The following SHISA6 variants were observed in gnomAD, a reference collection of about 807,000 sequenced individuals.
The protein encoded by SHISA6 is protein shisa-6.
In SHISA6, 22 loss-of-function variants were observed where a neutral mutation model predicts 47.9. The observed-to-expected ratio is 0.46, with a 90% CI of 0.33 to 0.66. SHISA6 has a LOEUF of 0.66. Ranked by LOEUF, SHISA6 falls within the 30% of genes least tolerant of loss-of-function variation. SHISA6 has a pLI of 0.02. For synonymous variants in SHISA6, 388 were observed against 337.8 expected (o/e 1.15, Z -1.63); for missense variants, 680 against 764.6 (o/e 0.89, Z 1.30).
chr17:11,325,041 C>T (rs1036465328), intron 2 of SHISA6, among the ~76,000 whole-genome samples: 11 of 152,112 alleles, frequency 7.2e-5, no homozygotes, highest in African/African-American at 1.7e-4. Flanking sequence ...ATTTCTTACC[C>T]GGTAAGGGTC....
At chr17:11,456,593 A>G (rs1915541536) in intron 3 of SHISA6, among the ~76,000 whole-genome samples, 1 of 152,186 alleles carries the variant, frequency 6.6e-6, no homozygotes, top group South Asian at 2.1e-4. Flanking sequence ...CTGCAGAGCC[A>G]TGTCCTCCAG....
intron 4 of SHISA6, among the ~76,000 whole-genome samples, chr17:11,554,425 T>G (rs1371973130): frequency 6.6e-6 from 1 of 151,966 alleles, no homozygotes; most frequent in Non-Finnish European, 1.5e-5. Flanking sequence ...AAGTCAGGAG[T>G]CCCCGGTGCT....
At chr17:11,273,514 G>C (rs972229822) in intron 2 of SHISA6, among the ~76,000 whole-genome samples, 3 of 152,260 alleles carry the variant, frequency 2.0e-5, no homozygotes, top group Non-Finnish European at 4.4e-5. Context: ...CAAAGGAGAG[G>C]AGCAACTTGG....
rs1025822279 is a variant in SHISA6, at chr17:11,241,568, G to A, written c.146G>A (p.Gly49Asp). 245 of 1,101,958 alleles carry A rather than the reference G, an allele frequency of 2.2e-4. No individual in the cohort carries two copies. In the African/African-American group the frequency reaches 3.9e-3, roughly 17 times the overall value. The allele number at this position is 1,101,958 out of a possible 1,614,324, so 68.3% of individuals were successfully genotyped here. A position where few individuals can be genotyped will look rare whatever the true frequency, so the allele number is the denominator to read the frequency against. Residue 49 changes from glycine to aspartate, a missense_variant, in exon 1 of 6, where the codon GGC (glycine) becomes GAC (aspartate). Gly to Asp is a moderately conservative substitution (Grantham distance 94). Coordinates refer to ENST00000441885, the MANE Select transcript of SHISA6 (RefSeq NM_207386.4). The surrounding 1 kb of genome is among the most constrained non-coding windows in gnomAD (Gnocchi z 5.5). ...GAAVGGRRAG[G>D]ALARGGRELN... The stretch of plus-strand genomic sequence containing the variant: ...GCCGTCGGGGGCCGGAGGGCCGGGG[G>A]CGCCCTGGCACGGGGCGGCCGCGAG...
chr17:11,510,130 C>T (rs1007903964), intron 3 of SHISA6, among the ~76,000 whole-genome samples: 3 of 151,730 alleles, frequency 2.0e-5, no homozygotes, highest in Admixed American at 2.0e-4. Flanking sequence ...TGGTCCCAGG[C>T]TGGAGAGTCC....
At chr17:11,487,902 G>A (rs907132277) in intron 3 of SHISA6, among the ~76,000 whole-genome samples, 1 of 152,182 alleles carries the variant, frequency 6.6e-6, no homozygotes, top group Non-Finnish European at 1.5e-5. Context: ...TCTCAGTGAA[G>A]ATTATTAGGA....
intron 2 of SHISA6, among the ~76,000 whole-genome samples, chr17:11,328,486 TG>T (rs1193404319): frequency 2.0e-5 from 3 of 152,210 alleles, no homozygotes; most frequent in Non-Finnish European, 4.4e-5. Context: ...GGAATGGGAA[TG>T]GTGCTTATCT....
chr17:11,539,705 A>AGC (rs2071817065), intron 3 of SHISA6, among the ~76,000 whole-genome samples: 1 of 152,208 alleles, frequency 6.6e-6, no homozygotes, highest in East Asian at 1.9e-4. Flanking sequence ...GCTTCCTGCA[A>AGC]ACAGCCTTGG....
chr17:11,492,766 G>C (rs1434605446), intron 3 of SHISA6, among the ~76,000 whole-genome samples: 1 of 152,160 alleles, frequency 6.6e-6, no homozygotes, highest in African/African-American at 2.4e-5. Flanking sequence ...CCTGAACTCA[G>C]ACCCTAGCAC....
chr17:11,262,521 C>T (rs950600140), intron 1 of SHISA6, among the ~76,000 whole-genome samples: 1 of 152,214 alleles, frequency 6.6e-6, no homozygotes, highest in Admixed American at 6.5e-5. Flanking sequence ...GAGAGCGATT[C>T]CCCCTAAATT....
chr17:11,470,417 A>G (rs1365895668), intron 3 of SHISA6, among the ~76,000 whole-genome samples: 3 of 152,218 alleles, frequency 2.0e-5, no homozygotes, highest in Non-Finnish European at 1.5e-5. Context: ...CAGTCCCCAG[A>G]GACAAATGCA....
rs935960797 is a variant in SHISA6 at position 11,528,060 on chromosome 17, T to C, written c.896-23836T>C. ...ACTTTACAATAAACTTTAAATGTTATAAAATCCTAGAGAGTTCCTTCCAAA... is the reference window on the plus strand; with the variant it reads ...ACTTTACAATAAACTTTAAATGTTACAAAATCCTAGAGAGTTCCTTCCAAA... On this transcript the variant is annotated intron_variant, in intron 3 of 5. Coordinates refer to ENST00000441885, the MANE Select transcript of SHISA6 (RefSeq NM_207386.4). Among the ~76,000 whole-genome samples the C allele has an allele frequency of 4.6e-5, 7 of 152,186 alleles. 1 individual carries two copies. The South Asian group carries it at 1.4e-3, about 31-fold the overall frequency.
In SHISA6 at chr17:11,558,533, G is replaced by A. The variant is rs2072006882; in HGVS notation, c.*229G>A. ...AAGAGCAATCGCTCTTGCTCCTCCA[G>A]AAGAATCAGTGGGGAGTGAGGAGGG... On this transcript the variant is annotated 3_prime_UTR_variant, in exon 6 of 6. Coordinates refer to ENST00000441885, the MANE Select transcript of SHISA6 (RefSeq NM_207386.4). 1.7e-6 allele frequency: 1 copy of A among 582,756 alleles called. No individual in the cohort carries two copies. Among genetic ancestry groups the A allele is most frequent in the Non-Finnish European group, 3.0e-6 (1 of 327,972 alleles). 36.1% of individuals were successfully genotyped at this position (582,756 alleles called of 1,614,324 possible).
chr17:11,380,954 G>A (rs888871650), intron 3 of SHISA6, among the ~76,000 whole-genome samples: 1 of 152,192 alleles, frequency 6.6e-6, no homozygotes, highest in Non-Finnish European at 1.5e-5. Context: ...AATCAGAGAA[G>A]GAGAAAGACA....
At chr17:11,554,670 T>G (rs969294496) in intron 4 of SHISA6, among the ~76,000 whole-genome samples, 8 of 152,148 alleles carry the variant, frequency 5.3e-5, no homozygotes, top group Admixed American at 2.6e-4. Flanking sequence ...GCCTTCCAAC[T>G]GCCTCACTTC....
At chr17:11,408,903 C>T (rs927312736) in intron 3 of SHISA6, among the ~76,000 whole-genome samples, 85 of 152,156 alleles carry the variant, frequency 5.6e-4, no homozygotes, top group African/African-American at 1.9e-3. Flanking sequence ...GGTGATAGGA[C>T]ACACCAAGAC....
chr17:11,393,155 G>A (rs1353366411), intron 3 of SHISA6, among the ~76,000 whole-genome samples: 1 of 152,126 alleles, frequency 6.6e-6, no homozygotes, highest in Non-Finnish European at 1.5e-5. Flanking sequence ...TTGGGCCTTG[G>A]TCCTTTTCCT....
intron 2 of SHISA6, among the ~76,000 whole-genome samples, chr17:11,320,650 C>G (rs977884001): frequency 5.8e-5 from 5 of 86,020 alleles, no homozygotes; most frequent in African/African-American, 1.7e-4. Flanking sequence ...AAGAGCGAAA[C>G]TCCATCACCA....
chr17:11,374,600 G>A (rs1361340302), intron 2 of SHISA6, among the ~76,000 whole-genome samples: 2 of 151,826 alleles, frequency 1.3e-5, no homozygotes, highest in Non-Finnish European at 2.9e-5. Flanking sequence ...TGTGAAGAAA[G>A]CTTTTCTATT....
Sources: gnomAD v4.1 joint callset for allele counts (sites outside exome capture counted in the v4.1 genomes callset) on GRCh38, gnomAD v4.1.1 for gene constraint, Gnocchi (gnomAD v3.1) non-coding constraint, MANE v1.5 for transcripts, NCBI Gene and HGNC (gene_info 2026-07-23, HGNC 2026-07-21) for gene names.